ARHGAP24: variants seen among roughly 807,000 people sequenced by gnomAD.
The protein encoded by ARHGAP24 is rho GTPase-activating protein 24.
A neutral mutation model predicts 76.4 loss-of-function variants in ARHGAP24; 50 were observed. The ratio of observed to expected loss-of-function variants is 0.65; its 90% confidence interval spans 0.52 to 0.83. The LOEUF is 0.83. Among genes scored for constraint, ARHGAP24 ranks in the 40% least tolerant of loss-of-function variants. The pLI is 0.00. For missense variants in ARHGAP24, 930 were observed against 914.2 expected, an observed-to-expected ratio of 1.02 and a Z score of -0.22; for synonymous variants, 345 against 323.3, an observed-to-expected ratio of 1.07 and a Z score of -0.72.
At chr4:85,670,339 A>AT (rs1722779607) in intron 2 of ARHGAP24, among the ~76,000 whole-genome samples, 3 of 152,210 alleles carry the variant, frequency 2.0e-5, no homozygotes, top group South Asian at 4.1e-4. Flanking sequence ...TCTTGCCCAT[A>AT]GTGTTTGGAA....
chr4:85,736,460 AC>A (rs1225308532), intron 3 of ARHGAP24, among the ~76,000 whole-genome samples: 1 of 152,162 alleles, frequency 6.6e-6, no homozygotes, highest in African/African-American at 2.4e-5. Flanking sequence ...CTAATCAGAA[AC>A]CCTGAGTGCT....
intron 8 of ARHGAP24, among the ~76,000 whole-genome samples, chr4:85,987,638 T>C (rs924209520): frequency 6.6e-6 from 1 of 152,024 alleles, no homozygotes; most frequent in Non-Finnish European, 1.5e-5. Flanking sequence ...CCAAATAGAA[T>C]TTCTAAGGAT....
chr4:85,493,704 A>G (rs1262208549), intron 1 of ARHGAP24, among the ~76,000 whole-genome samples: 1 of 152,192 alleles, frequency 6.6e-6, no homozygotes, highest in Non-Finnish European at 1.5e-5. Flanking sequence ...ATCATTTTCT[A>G]AAGACACCAG....
intron 1 of ARHGAP24, among the ~76,000 whole-genome samples, chr4:85,483,127 C>G (rs914611710): frequency 2.0e-5 from 3 of 152,142 alleles, no homozygotes; most frequent in Non-Finnish European, 4.4e-5. Context: ...GGAGGGGTGT[C>G]TGGCACCTGA....
chr4:85,911,610 A>G (rs1278444868), intron 3 of ARHGAP24, among the ~76,000 whole-genome samples: 1 of 152,210 alleles, frequency 6.6e-6, no homozygotes. Context: ...TGCTAAGGAC[A>G]GTCACCATTT....
chr4:85,875,887 C>T (rs954817235), intron 3 of ARHGAP24, among the ~76,000 whole-genome samples: 1 of 151,024 alleles, frequency 6.6e-6, no homozygotes, highest in African/African-American at 2.4e-5. Flanking sequence ...AGACTACAGG[C>T]ATGTGCCATC....
intron 2 of ARHGAP24, among the ~76,000 whole-genome samples, chr4:85,659,839 G>C (rs1301024627): frequency 1.3e-5 from 2 of 152,136 alleles, no homozygotes; most frequent in Non-Finnish European, 2.9e-5. Context: ...TCTGGATCCA[G>C]GGGTAGTACC....
chr4:85,962,579 G>T (rs2148843012), intron 5 of ARHGAP24, among the ~76,000 whole-genome samples: 1 of 152,064 alleles, frequency 6.6e-6, no homozygotes, highest in Non-Finnish European at 1.5e-5. Flanking sequence ...ACAGTGAGTA[G>T]GTTATATCCA....
At chr4:85,942,019 G>A (rs1332390789) in intron 4 of ARHGAP24, 47 bp from the exon 5 acceptor site, 4 of 1,573,382 alleles carry the variant, frequency 2.5e-6, no homozygotes, top group Non-Finnish European at 3.5e-6. Context: ...ACAACAAAGT[G>A]GGAAGAGATA....
At chr4:85,694,071 G>C (rs1160171493) in intron 2 of ARHGAP24, among the ~76,000 whole-genome samples, 1 of 152,120 alleles carries the variant, frequency 6.6e-6, no homozygotes, top group South Asian at 2.1e-4. Context: ...ATGGTTCACA[G>C]CTTCCTACCT....
At chr4:85,763,584 G>A (rs903563284) in intron 3 of ARHGAP24, among the ~76,000 whole-genome samples, 4 of 152,072 alleles carry the variant, frequency 2.6e-5, no homozygotes, top group Non-Finnish European at 4.4e-5. Context: ...AGGCAAAGGG[G>A]GGTGTCTGGA....
At chr4:85,519,182 C>T (rs1345919916) in intron 1 of ARHGAP24, among the ~76,000 whole-genome samples, 1 of 152,098 alleles carries the variant, frequency 6.6e-6, no homozygotes, top group East Asian at 1.9e-4. Flanking sequence ...CTGTGGCTTC[C>T]TTGATTACAA....
intron 1 of ARHGAP24, among the ~76,000 whole-genome samples, chr4:85,476,459 A>T (rs1722603297): frequency 6.6e-6 from 1 of 152,130 alleles, no homozygotes; most frequent in Non-Finnish European, 1.5e-5. Flanking sequence ...TCATTGTTTC[A>T]TCTCTTTCTA....
chr4:85,994,510 T>C, intron 8 of ARHGAP24, 73 bp from the exon 9 acceptor site: 1 of 1,388,042 alleles, frequency 7.2e-7, no homozygotes, highest in South Asian at 1.2e-5. Flanking sequence ...TGTGTTTCTT[T>C]AAGAGTCACA....
chr4:85,805,673 G>A (rs1002396888), intron 3 of ARHGAP24, among the ~76,000 whole-genome samples: 8 of 152,124 alleles, frequency 5.3e-5, no homozygotes, highest in African/African-American at 1.7e-4. Flanking sequence ...CAGGTGTGCC[G>A]CAGCATTAAA....
intron 8 of ARHGAP24, among the ~76,000 whole-genome samples, chr4:85,981,953 C>G (rs1488853784): frequency 1.3e-5 from 2 of 152,110 alleles, no homozygotes; most frequent in African/African-American, 2.4e-5. Context: ...ATCAGAGCCC[C>G]CATTGCTCCT....
chr4:85,711,597 T>G (rs1416273908), intron 2 of ARHGAP24, among the ~76,000 whole-genome samples: 1 of 152,208 alleles, frequency 6.6e-6, no homozygotes. Context: ...TGCTTCTTCC[T>G]GCTGAGACAT....
chr4:85,780,754 G>T (rs1727516820), intron 3 of ARHGAP24, among the ~76,000 whole-genome samples: 1 of 152,238 alleles, frequency 6.6e-6, no homozygotes, highest in African/African-American at 2.4e-5. Flanking sequence ...AAAGGACATA[G>T]ACACAGTGAC....
intron 3 of ARHGAP24, among the ~76,000 whole-genome samples, chr4:85,779,419 C>G (rs539899578): frequency 6.4e-4 from 97 of 152,252 alleles, no homozygotes; most frequent in African/African-American, 2.2e-3. Context: ...GCAGGGCAGT[C>G]TAGGCACTTT....
Sources: gnomAD v4.1 joint callset for allele counts (sites outside exome capture counted in the v4.1 genomes callset) on GRCh38, gnomAD v4.1.1 for gene constraint, MANE v1.5 for transcripts, NCBI Gene and HGNC (gene_info 2026-07-23, HGNC 2026-07-21) for gene names.